The following MARCHF1 variants were observed in gnomAD, a reference collection of about 807,000 sequenced individuals.
MARCHF1 encodes the protein E3 ubiquitin-protein ligase MARCHF1.
Under a neutral mutation model 54.2 loss-of-function variants are expected in MARCHF1, and 40 were observed. The observed-to-expected ratio is 0.74, with a 90% confidence interval of 0.57 to 0.96. MARCHF1 has a LOEUF of 0.96. Among genes scored for constraint, MARCHF1 ranks in the 40% least tolerant of loss-of-function variants. The pLI, the probability that MARCHF1 is intolerant of heterozygous loss-of-function variation, is 0.00. For missense variants in MARCHF1, 586 were observed against 656.5 expected (o/e 0.89, Z 1.17); for synonymous variants, 236 against 236.3 (o/e 1.00, Z 0.01).
chr4:164,260,040 G>T (rs1733420548), intron 1 of MARCHF1, among the ~76,000 whole-genome samples: 3 of 152,040 alleles, frequency 2.0e-5, no homozygotes. Context: ...CATATAACCG[G>T]GGTGAGAATC....
chr4:164,156,275 A>C (rs6840738), intron 1 of MARCHF1, among the ~76,000 whole-genome samples: 29,023 of 152,112 alleles, frequency 0.19, 4,408 homozygotes, highest in African/African-American at 0.41. Context: ...TGTCTTAGAT[A>C]TTCATTGTTC....
intron 1 of MARCHF1, among the ~76,000 whole-genome samples, chr4:164,289,067 A>C (rs1470072334): frequency 2.0e-5 from 3 of 151,958 alleles, no homozygotes; most frequent in African/African-American, 7.2e-5. Context: ...TATTTGCTAC[A>C]CTCATTTTTC....
chr4:164,145,640 C>A (rs1283562397), intron 1 of MARCHF1, among the ~76,000 whole-genome samples: 1 of 152,042 alleles, frequency 6.6e-6, no homozygotes, highest in Non-Finnish European at 1.5e-5. Flanking sequence ...GCCAAAAACT[C>A]TCAATAAATT....
At position 164,264,289 on chromosome 4, in the gene MARCHF1, G is replaced by A. The variant is rs190104000; in HGVS notation, c.-323+119581C>T. On this transcript the variant is annotated intron_variant, in intron 1 of 9. Coordinates refer to ENST00000514618, the MANE Select transcript of MARCHF1 (RefSeq NM_001394959.1). Reference sequence around the variant, plus strand: ...GTTATCAGCGGGAGCTAAATGATGAGAACTCATGAACACAACGAATAAAAC... The same window carrying A: ...GTTATCAGCGGGAGCTAAATGATGAAAACTCATGAACACAACGAATAAAAC... Among the ~76,000 whole-genome samples, 616 of 152,202 alleles carry A rather than the reference G, an allele frequency of 4.0e-3. 11 individuals are homozygous for A. Among genetic ancestry groups the A allele is most frequent in the Non-Finnish European group, 1.2e-3 (81 of 68,016 alleles).
intron 1 of MARCHF1, among the ~76,000 whole-genome samples, chr4:164,238,336 C>T (rs1386197825): frequency 2.0e-5 from 3 of 151,878 alleles, no homozygotes; most frequent in African/African-American, 2.4e-5. Flanking sequence ...ATAGTAAATC[C>T]ATTAGAAAGT....
chr4:164,116,367 T>C (rs1755940102), intron 1 of MARCHF1, among the ~76,000 whole-genome samples: 1 of 152,298 alleles, frequency 6.6e-6, no homozygotes, highest in East Asian at 1.9e-4. Context: ...AAAGGGCAAA[T>C]AACTAACTAT....
chr4:163,872,400 T>G (rs888690877), intron 3 of MARCHF1, among the ~76,000 whole-genome samples: 3 of 152,236 alleles, frequency 2.0e-5, no homozygotes, highest in Non-Finnish European at 2.9e-5. Flanking sequence ...TGAAAGTAGA[T>G]TCTTTGGAGA....
chr4:163,564,693 T>C (rs1191359239), intron 8 of MARCHF1, among the ~76,000 whole-genome samples: 4 of 152,198 alleles, frequency 2.6e-5, no homozygotes, highest in African/African-American at 9.7e-5. Context: ...GCCAGGTGCA[T>C]TGCCAGGATT....
intron 7 of MARCHF1, among the ~76,000 whole-genome samples, chr4:163,600,365 T>A (rs1425335679): frequency 6.6e-6 from 1 of 152,102 alleles, no homozygotes; most frequent in Non-Finnish European, 1.5e-5. Flanking sequence ...AAGCGCCACT[T>A]CCAAGCAATC....
chr4:163,561,020 C>G (rs1739450130), intron 8 of MARCHF1, among the ~76,000 whole-genome samples: 2 of 152,078 alleles, frequency 1.3e-5, no homozygotes, highest in Admixed American at 1.3e-4. Context: ...GTTTTTCTTG[C>G]TTTATTGCAC....
intron 1 of MARCHF1, among the ~76,000 whole-genome samples, chr4:164,308,539 C>T (rs1181897331): frequency 4.6e-5 from 7 of 152,138 alleles, no homozygotes; most frequent in Admixed American, 3.9e-4. Context: ...CAGTTCTCTG[C>T]TTACTTAAGC....
At chr4:164,375,126 A>C (rs1402238614) in intron 1 of MARCHF1, among the ~76,000 whole-genome samples, 1 of 152,218 alleles carries the variant, frequency 6.6e-6, no homozygotes, top group Non-Finnish European at 1.5e-5. Context: ...AGGCAATTTA[A>C]CTTCATTAAA....
At chr4:163,619,548 C>T (rs1038911378) in intron 5 of MARCHF1, among the ~76,000 whole-genome samples, 3 of 151,880 alleles carry the variant, frequency 2.0e-5, no homozygotes, top group African/African-American at 4.8e-5. Flanking sequence ...AGAATATGCA[C>T]GTGGCACAGG....
At chr4:164,135,284 C>T (rs1227798369) in intron 1 of MARCHF1, 3 of 152,294 alleles carry the variant, frequency 2.0e-5, no homozygotes, top group South Asian at 2.1e-4. Flanking sequence ...ACTGTTTTAC[C>T]ATGAGAGCCA....
chr4:164,106,194 G>A (rs1321293089), intron 2 of MARCHF1, among the ~76,000 whole-genome samples: 1 of 143,332 alleles, frequency 7.0e-6, no homozygotes, highest in African/African-American at 2.8e-5. Context: ...CAACCATTGT[G>A]GAAGTCAGTG....
At chr4:163,787,868 T>C (rs1747665261) in intron 4 of MARCHF1, among the ~76,000 whole-genome samples, 1 of 151,974 alleles carries the variant, frequency 6.6e-6, no homozygotes, top group East Asian at 1.9e-4. Context: ...ACATGGCATA[T>C]ACATGCAATG....
At chr4:164,330,890 T>G (rs539783556) in intron 1 of MARCHF1, among the ~76,000 whole-genome samples, 5 of 152,296 alleles carry the variant, frequency 3.3e-5, no homozygotes, top group African/African-American at 1.2e-4. Context: ...GATTTTTCAG[T>G]GGTAGCCCTA....
chr4:164,356,644 G>T (rs1257953257), intron 1 of MARCHF1, among the ~76,000 whole-genome samples: 1 of 143,534 alleles, frequency 7.0e-6, no homozygotes, highest in Non-Finnish European at 1.5e-5. Context: ...GGTTAGCATT[G>T]GGAGATATAC....
At chr4:163,592,073 G>A (rs1027350148) in intron 7 of MARCHF1, among the ~76,000 whole-genome samples, 2 of 152,040 alleles carry the variant, frequency 1.3e-5, no homozygotes, top group Admixed American at 6.6e-5. Context: ...TAACAGAAAC[G>A]AAGATAAATA....
Sources: gnomAD v4.1 joint callset for allele counts (sites outside exome capture counted in the v4.1 genomes callset) on GRCh38, gnomAD v4.1.1 for gene constraint, MANE v1.5 for transcripts, NCBI Gene and HGNC (gene_info 2026-07-23, HGNC 2026-07-21) for gene names.